The following GLI2 variants were observed in gnomAD, a reference collection of about 807,000 sequenced individuals.
GLI2 encodes the protein transcription activator GLI2.
Under a neutral mutation model 78.9 loss-of-function variants are expected in GLI2, and 22 were observed. The observed-to-expected ratio is 0.28, with a 90% confidence interval of 0.20 to 0.40. The LOEUF is 0.40. Among genes scored for constraint, GLI2 ranks in the 10% least tolerant of loss-of-function variants. The pLI, the probability that GLI2 is intolerant of heterozygous loss-of-function variation, is 1.00. For synonymous variants in GLI2, 974 were observed against 963.7 expected (o/e 1.01, Z -0.20); for missense variants, 2,097 against 2,213.2 (o/e 0.95, Z 1.05).
Position 120,990,890 on chromosome 2 carries a change from C to A in GLI2, c.*215C>A, listed in dbSNP as rs1683269784. 5.2e-6 allele frequency: 3 copies of A among 581,690 alleles called. No homozygotes were observed. The South Asian group carries it at 6.6e-5, about 13-fold the overall frequency. The allele number at this position is 581,690 out of a possible 1,614,324, so 36.0% of individuals were successfully genotyped here. ...TTCCTCAGAACAATGAAAAAAGTCT[C>A]CATAGGACAGGAAGGAATGCAAAAC... On this transcript the variant is annotated 3_prime_UTR_variant, in exon 14 of 14. Coordinates refer to ENST00000361492, the MANE Select transcript of GLI2 (RefSeq NM_001374353.1).
chr2:120,744,295 G>A (rs1184524514), intron 1 of GLI2, among the ~76,000 whole-genome samples: 4 of 152,228 alleles, frequency 2.6e-5, no homozygotes, highest in Non-Finnish European at 5.9e-5. Context: ...TCCAGGCAGT[G>A]ACAGTATATT....
intron 1 of GLI2, among the ~76,000 whole-genome samples, chr2:120,780,269 G>C (rs368071841): frequency 4.6e-5 from 7 of 152,206 alleles, no homozygotes; most frequent in Non-Finnish European, 1.0e-4. Context: ...GATGTCTTGA[G>C]ACCAAGAAGA....
At chr2:120,832,419 C>T (rs1362413264) in intron 2 of GLI2, among the ~76,000 whole-genome samples, 1 of 152,144 alleles carries the variant, frequency 6.6e-6, no homozygotes, top group East Asian at 1.9e-4. Context: ...GGCAGCAGGG[C>T]CTGGGGCTGA....
chr2:120,902,354 G>T (rs1186594822), intron 2 of GLI2, among the ~76,000 whole-genome samples: 1 of 152,126 alleles, frequency 6.6e-6, no homozygotes, highest in Admixed American at 6.5e-5. Flanking sequence ...AGCAATGGTG[G>T]TTAATATTAT....
chr2:120,747,524 C>A (rs1404730875), intron 1 of GLI2, among the ~76,000 whole-genome samples: 3 of 152,210 alleles, frequency 2.0e-5, no homozygotes, highest in East Asian at 3.9e-4. Context: ...ACTGATTTCT[C>A]AACTGGGCAG....
chr2:120,927,390 G>C lies in GLI2; in HGVS notation c.178G>C (p.Ala60Pro), dbSNP rs540925998. The change falls in exon 3 of 14, where the codon GCG becomes CCG. Residue 60 changes from alanine to proline, a missense_variant. By Grantham distance (27) the Ala-to-Pro change is conservative. Around this residue, in one of 5 missense-constraint regions of GLI2, gnomAD observed 578 missense variants for 612.0 expected, o/e 0.94. Coordinates refer to ENST00000361492, the MANE Select transcript of GLI2 (RefSeq NM_001374353.1). The stretch of plus-strand genomic sequence containing the variant: ...GCAGCATCTCTTGCCACCATTCCAT[G>C]CGCCCCTACCGATTGACATGCGACA... Reference protein sequence around the residue: ...VPQHLLPPFHAPLPIDMRHQE... With the variant: ...VPQHLLPPFHPPLPIDMRHQE... 36 of 1,613,802 alleles carry C rather than the reference G, an allele frequency of 2.2e-5. No individual in the cohort carries two copies. Among genetic ancestry groups the C allele is most frequent in the Non-Finnish European group, 2.5e-5 (30 of 1,179,856 alleles).
chr2:120,795,821 G>A (rs1350494520), intron 1 of GLI2, among the ~76,000 whole-genome samples: 5 of 151,936 alleles, frequency 3.3e-5, no homozygotes, highest in African/African-American at 7.3e-5. Flanking sequence ...AGGCCAAGGC[G>A]GGCAGATCAC....
chr2:120,764,783 T>C (rs1363339214), intron 1 of GLI2, among the ~76,000 whole-genome samples: 1 of 152,204 alleles, frequency 6.6e-6, no homozygotes, highest in East Asian at 1.9e-4. Context: ...TTTTTGCATG[T>C]TTGCCCAGCA....
In GLI2 at chr2:120,828,501, G is replaced by A. The variant is rs1229950917; in HGVS notation, c.148+31033G>A. Reference sequence around the variant, plus strand: ...TACAGGCGGACTGAGGTTATTTTGGGAAGTAGCAATTAAAGGTTTTATATT... The same window carrying A: ...TACAGGCGGACTGAGGTTATTTTGGAAAGTAGCAATTAAAGGTTTTATATT... On this transcript the variant is annotated intron_variant, in intron 2 of 13. Coordinates refer to ENST00000361492, the MANE Select transcript of GLI2 (RefSeq NM_001374353.1). 2.0e-5 allele frequency among the ~76,000 whole-genome samples: 3 copies of A among 152,196 alleles called. No homozygotes were observed. In the East Asian group the frequency reaches 5.8e-4, roughly 29 times the overall value.
chr2:120,934,051 T>A (rs75537664), intron 3 of GLI2, among the ~76,000 whole-genome samples: 3,157 of 152,314 alleles, frequency 0.021, 89 homozygotes, highest in African/African-American at 0.069. Context: ...TCTTGTTGAT[T>A]TTCAGACTAG....
intron 2 of GLI2, among the ~76,000 whole-genome samples, chr2:120,812,258 A>G (rs898906027): frequency 6.6e-6 from 1 of 152,178 alleles, no homozygotes; most frequent in African/African-American, 2.4e-5. Context: ...ACAGCAGGAC[A>G]GGGCCACACA....
At chr2:120,746,722 A>G (rs1021088349) in intron 1 of GLI2, among the ~76,000 whole-genome samples, 4 of 152,222 alleles carry the variant, frequency 2.6e-5, no homozygotes, top group Admixed American at 2.6e-4. Flanking sequence ...TCTTAAAACT[A>G]AGACATGCCT....
intron 2 of GLI2, among the ~76,000 whole-genome samples, chr2:120,888,010 C>T (rs941542191): frequency 3.3e-5 from 5 of 152,234 alleles, no homozygotes; most frequent in African/African-American, 7.2e-5. Flanking sequence ...TTTGTTTTCC[C>T]GGCTGCGGTG....
At chr2:120,880,781 TG>T (rs1677073422) in intron 2 of GLI2, among the ~76,000 whole-genome samples, 1 of 152,232 alleles carries the variant, frequency 6.6e-6, no homozygotes. Flanking sequence ...TGATTTGAAC[TG>T]CTTTTGAAAA....
intron 2 of GLI2, among the ~76,000 whole-genome samples, chr2:120,866,943 C>G (rs537373155): frequency 2.0e-5 from 3 of 152,174 alleles, no homozygotes; most frequent in Non-Finnish European, 4.4e-5. Flanking sequence ...CTGCACTGCC[C>G]GCAGGGACTC....
chr2:120,763,783 G>A (rs1026582486), intron 1 of GLI2, among the ~76,000 whole-genome samples: 4 of 152,252 alleles, frequency 2.6e-5, no homozygotes, highest in African/African-American at 9.6e-5. Flanking sequence ...GGCGGAGCAT[G>A]GACTGGGCCT....
intron 1 of GLI2, among the ~76,000 whole-genome samples, chr2:120,772,814 T>G (rs1211057766): frequency 6.6e-6 from 1 of 152,196 alleles, no homozygotes; most frequent in South Asian, 2.1e-4. Flanking sequence ...AGAGGCACAT[T>G]TCCTTCTGGG....
At chr2:120,929,179 A>G (rs1201880929) in intron 3 of GLI2, among the ~76,000 whole-genome samples, 4 of 152,176 alleles carry the variant, frequency 2.6e-5, no homozygotes, top group Non-Finnish European at 5.9e-5. Context: ...GAATAATACT[A>G]TAAAAGTGAT....
chr2:120,899,376 C>G (rs1052135811), intron 2 of GLI2, among the ~76,000 whole-genome samples: 11 of 151,404 alleles, frequency 7.3e-5, no homozygotes, highest in African/African-American at 2.7e-4. Flanking sequence ...TTCTTTTTCT[C>G]TCTCATACAC....
Sources: allele counts gnomAD v4.1 joint callset (sites outside exome capture counted in the v4.1 genomes callset), GRCh38; gene constraint gnomAD v4.1.1; regional missense constraint gnomAD v4.1.1; transcripts MANE v1.5; gene names NCBI Gene and HGNC (gene_info 2026-07-23, HGNC 2026-07-21).